The following C14orf39 variants were observed in gnomAD, a reference collection of about 807,000 sequenced individuals.
The protein encoded by C14orf39 is chromosome 14 open reading frame 39.
Under a neutral mutation model 85.6 loss-of-function variants are expected in C14orf39, and 66 were observed. That is an observed-to-expected ratio of 0.77 (90% CI 0.63 to 0.95). The LOEUF is 0.95. Ranked by LOEUF, C14orf39 falls within the 40% of genes least tolerant of loss-of-function variation. C14orf39 has a pLI of 0.00. For missense variants in C14orf39, 735 were observed against 663.9 expected, an observed-to-expected ratio of 1.11 and a Z score of -1.18; for synonymous variants, 242 against 214.0, an observed-to-expected ratio of 1.13 and a Z score of -1.14.
chr14:60,475,377 T>A (rs1167376845), intron 5 of C14orf39, among the ~76,000 whole-genome samples: 1 of 152,154 alleles, frequency 6.6e-6, no homozygotes, highest in Admixed American at 6.6e-5. Context: ...AATAACCTTT[T>A]TTTCTTATTT....
At chr14:60,482,626 T>C (rs934576551) in intron 4 of C14orf39, among the ~76,000 whole-genome samples, 1 of 152,196 alleles carries the variant, frequency 6.6e-6, no homozygotes, top group African/African-American at 2.4e-5. Context: ...GCCCATTCTA[T>C]AGCAATAGAT....
At chr14:60,511,056 T>C in intron 1 of C14orf39, 1 of 1,609,382 alleles carries the variant, frequency 6.2e-7, no homozygotes, top group Non-Finnish European at 8.5e-7. Flanking sequence ...TTACGAGCTG[T>C]GACCCGTGTT....
intron 2 of C14orf39, among the ~76,000 whole-genome samples, chr14:60,492,455 G>T (rs1340162464): frequency 6.6e-6 from 1 of 151,978 alleles, no homozygotes; most frequent in African/African-American, 2.4e-5. Context: ...AGAAAATAGA[G>T]ACTATGGCTA....
intron 1 of C14orf39, chr14:60,512,423 A>G (rs1893308834): frequency 6.6e-6 from 1 of 152,200 alleles, no homozygotes; most frequent in Non-Finnish European, 1.5e-5. Context: ...AAGATGATAG[A>G]AGAGGTTGTA....
At chr14:60,487,503 G>GTGTGTA (rs1892917972), upstream of C14orf39, among the ~76,000 whole-genome samples, 4 of 151,914 alleles carry the variant, frequency 2.6e-5, no homozygotes, top group South Asian at 8.3e-4. Flanking sequence ...GTGTGTGTGT[G>GTGTGTA]TGTGTGTGTG....
intron 4 of C14orf39, among the ~76,000 whole-genome samples, chr14:60,479,385 A>C (rs980941373): frequency 1.3e-5 from 2 of 152,150 alleles, no homozygotes; most frequent in Non-Finnish European, 2.9e-5. Context: ...AGATAGCAAC[A>C]GTAGACACTG....
chr14:60,511,541 C>G (rs1030626783), intron 1 of C14orf39: 89 of 553,162 alleles, frequency 1.6e-4, no homozygotes, highest in African/African-American at 1.6e-3. Context: ...CTTCGGAACC[C>G]GAACTGCAAG....
chr14:60,443,861 T>C (rs1890637227), intron 16 of C14orf39, among the ~76,000 whole-genome samples: 1 of 152,162 alleles, frequency 6.6e-6, no homozygotes, highest in East Asian at 1.9e-4. Context: ...TGTTCTGCAA[T>C]ATTTACTGTT....
At chr14:60,472,266 C>T (rs991229739) in intron 5 of C14orf39, among the ~76,000 whole-genome samples, 13 of 151,948 alleles carry the variant, frequency 8.6e-5, no homozygotes, top group Non-Finnish European at 1.2e-4. Flanking sequence ...AAATGTACCC[C>T]GTAACTATTT....
chr14:60,492,337 A>AT (rs1893001951), intron 2 of C14orf39, among the ~76,000 whole-genome samples: 1 of 152,152 alleles, frequency 6.6e-6, no homozygotes, highest in East Asian at 1.9e-4. Flanking sequence ...ACAAAAGTGA[A>AT]TTTTTTAAAA....
chr14:60,437,126 G>T, intron 17 of C14orf39, 79 bp from the exon 18 acceptor site: 2 of 890,496 alleles, frequency 2.2e-6, no homozygotes, highest in Non-Finnish European at 1.7e-6. Context: ...ATAGCATACT[G>T]CATACAATAA....
At chr14:60,508,347 T>A (rs1310065794) in intron 1 of C14orf39, among the ~76,000 whole-genome samples, 1 of 152,214 alleles carries the variant, frequency 6.6e-6, no homozygotes, top group Non-Finnish European at 1.5e-5. Context: ...GTGGCTATGC[T>A]GCACTTTGTT....
intron 11 of C14orf39, among the ~76,000 whole-genome samples, chr14:60,465,179 T>A (rs1348182687): frequency 6.6e-6 from 1 of 152,158 alleles, no homozygotes; most frequent in Admixed American, 6.6e-5. Flanking sequence ...ATTGACATCA[T>A]CTGGAATTTC....
chr14:60,469,578 C>G lies in C14orf39; in HGVS notation c.630G>C (p.Lys210Asn), dbSNP rs777374755. The change falls in exon 8 of 18, where the codon AAG becomes AAC. Residue 210 changes from lysine (K) to asparagine (N), a missense_variant. Lys to Asn is a moderately conservative substitution (Grantham distance 94). Transcript: ENST00000321731. ...SNLTKSSSEL[K>N]KEVDEMEIEI... ...CTATTTCCATTTCATCTACTTCTTT[C>G]TTCAATTCGGATGAACTTTTGGTAA... The G allele has an allele frequency of 1.3e-6, 2 of 1,516,342 alleles. No individual in the cohort carries two copies. The highest frequency in any genetic ancestry group is 1.3e-5 in the South Asian group (1 of 74,510). 93.9% of individuals were successfully genotyped at this position (1,516,342 alleles called of 1,614,324 possible). A position where few individuals can be genotyped will look rare whatever the true frequency, so the allele number is the denominator to read the frequency against.
intron 2 of C14orf39, among the ~76,000 whole-genome samples, chr14:60,493,589 T>TA (rs375048245): frequency 3.2e-4 from 48 of 152,140 alleles, no homozygotes; most frequent in African/African-American, 1.0e-3. Context: ...TTCCAAAATT[T>TA]AAAAAAAAAA....
chr14:60,459,273 T>A (rs1257751890), intron 13 of C14orf39, among the ~76,000 whole-genome samples: 1 of 151,802 alleles, frequency 6.6e-6, no homozygotes, highest in Non-Finnish European at 1.5e-5. Flanking sequence ...AATACATCTA[T>A]CCATTCTACT....
intron 16 of C14orf39, among the ~76,000 whole-genome samples, chr14:60,449,040 G>A (rs568999927): frequency 6.6e-6 from 1 of 152,162 alleles, no homozygotes; most frequent in African/African-American, 2.4e-5. Flanking sequence ...CTGTCAGGGA[G>A]TAGGGGGCTG....
chr14:60,467,754 A>T (rs1404323074), intron 9 of C14orf39, among the ~76,000 whole-genome samples: 1 of 151,772 alleles, frequency 6.6e-6, no homozygotes, highest in African/African-American at 2.4e-5. Context: ...AAAAAGTAGG[A>T]TCAGGGAAAT....
rs757897454 is a variant in C14orf39, at chr14:60,461,592, A to G, written c.974T>C (p.Ile325Thr). Residue 325 changes from isoleucine (I) to threonine (T), a missense_variant and splice_region_variant, in exon 12 of 18, where the codon ATA becomes ACA. Coordinates refer to ENST00000321731, the MANE Select transcript of C14orf39 (RefSeq NM_174978.3). ...GTTATCCACAGCAGAGTCATTAAAT[A>G]TCTGAAAGAAAGAAATTAAGCATCT... ...DFRQKENDTQ[I>T]FNDSAVDNHS... 11 of 1,538,762 alleles carry G rather than the reference A, an allele frequency of 7.1e-6. No individual in the cohort carries two copies. The highest frequency in any genetic ancestry group is 7.0e-6 in the Non-Finnish European group (8 of 1,147,558).
Sources: gnomAD v4.1 joint callset for allele counts (sites outside exome capture counted in the v4.1 genomes callset) on GRCh38, gnomAD v4.1.1 for gene constraint, MANE v1.5 for transcripts, NCBI Gene and HGNC (gene_info 2026-07-23, HGNC 2026-07-21) for gene names.